MACF1: variants seen among roughly 807,000 people sequenced by gnomAD.
MACF1 encodes microtubule actin crosslinking factor 1, also known as microtubule-actin cross-linking factor 1.
In MACF1, 193 loss-of-function variants were observed where a neutral mutation model predicts 854.8. The observed-to-expected ratio is 0.23, with a 90% CI of 0.20 to 0.25. The LOEUF (loss-of-function observed/expected upper bound fraction) is 0.25, where lower values mean the gene tolerates loss of function less well. Ranked by LOEUF, MACF1 falls within the 10% of genes least tolerant of loss-of-function variation. The pLI is 1.00. For missense variants in MACF1, 7,722 were observed against 8,929.1 expected, an observed-to-expected ratio of 0.86 and a Z score of 5.45; for synonymous variants, 3,185 against 3,226.7, an observed-to-expected ratio of 0.99 and a Z score of 0.44.
chr1:39,384,250 A>T (rs1310290107), intron 56 of MACF1, among the ~76,000 whole-genome samples: 1 of 152,004 alleles, frequency 6.6e-6, no homozygotes, highest in East Asian at 1.9e-4. Flanking sequence ...ATGCTTTCAC[A>T]GTTCTGTGTT....
chr1:39,182,937 A>G (rs919072596), intron 2 of MACF1, among the ~76,000 whole-genome samples: 5 of 152,238 alleles, frequency 3.3e-5, no homozygotes, highest in Non-Finnish European at 5.9e-5. Flanking sequence ...TAGTAGCCCC[A>G]AAGCAGAAAC....
At chr1:39,296,050 T>C (rs1427312285) in intron 20 of MACF1, among the ~76,000 whole-genome samples, 168 bp downstream of exon 20, 1 of 152,204 alleles carries the variant, frequency 6.6e-6, no homozygotes, top group Non-Finnish European at 1.5e-5. Flanking sequence ...GGTGAGCAGT[T>C]TGGGCAGGGC....
chr1:39,355,460 C>CTTTTTTTTTTTTTTTTTTT (rs56202498), intron 44 of MACF1, among the ~76,000 whole-genome samples: 8 of 81,056 alleles, frequency 9.9e-5, no homozygotes, highest in East Asian at 3.7e-4. Flanking sequence ...TTTTCTTCTG[C>CTTTTTTTTTTTTTTTTTTT]TTTTTTTTTT....
Position 39,337,635 on chromosome 1 carries a change from C to T in MACF1, c.10215+304C>T, listed in dbSNP as rs530426667. 6.6e-4 allele frequency among the ~76,000 whole-genome samples: 90 copies of T among 135,626 alleles called. 1 individual carries two copies. The highest frequency in any genetic ancestry group is 1.8e-3 in the Admixed American group (21 of 11,538). 89.0% of individuals were successfully genotyped at this position (135,626 alleles called of 152,430 possible). ...GGGTGGAGTGCAGTAGCGGTGATCT[C>T]GGCTCACTGCAACCTCCGCCTCCCG... On this transcript the variant is annotated intron_variant, in intron 38 of 100. Transcript: ENST00000564288.
chr1:39,250,843 G>A (rs1356048143), intron 3 of MACF1, among the ~76,000 whole-genome samples: 1 of 152,160 alleles, frequency 6.6e-6, no homozygotes, highest in Non-Finnish European at 1.5e-5. Flanking sequence ...TCACCCACTT[G>A]TAGGCCTACT....
chr1:39,269,448 C>G, intron 6 of MACF1: 1 of 1,289,800 alleles, frequency 7.8e-7, no homozygotes, highest in Non-Finnish European at 1.0e-6. Flanking sequence ...ACTACTGGAC[C>G]AGCCTGGAGG....
At chr1:39,295,273 G>A (rs1645876260) in intron 19 of MACF1, 123 bp downstream of exon 19, 1 of 769,672 alleles carries the variant, frequency 1.3e-6, no homozygotes, top group Non-Finnish European at 2.1e-6. Flanking sequence ...TTTGTCTTGG[G>A]TCTTCTCTCT....
intron 2 of MACF1, among the ~76,000 whole-genome samples, chr1:39,239,254 G>A (rs1361840471): frequency 6.6e-6 from 1 of 151,632 alleles, no homozygotes; most frequent in Non-Finnish European, 1.5e-5. Context: ...GCACTCCAGC[G>A]TGGGTGACAG....
At chr1:39,353,915 C>T (rs1018011985) in intron 44 of MACF1, among the ~76,000 whole-genome samples, 3 of 152,196 alleles carry the variant, frequency 2.0e-5, no homozygotes, top group African/African-American at 7.2e-5. Context: ...TCTGCTTTCA[C>T]TGTTATTATT....
At chr1:39,475,388 G>C (rs1179906116) in intron 97 of MACF1, among the ~76,000 whole-genome samples, 1 of 151,100 alleles carries the variant, frequency 6.6e-6, no homozygotes, top group Non-Finnish European at 1.5e-5. Flanking sequence ...GGGATCACTT[G>C]AGCCTGGGAG....
rs1241428755 is a variant in MACF1 at position 39,430,023 on chromosome 1, G to A, written c.17085G>A (p.Gln5695=). 1 of 1,613,948 alleles carries A rather than the reference G, an allele frequency of 6.2e-7. No individual in the cohort carries two copies. Residue 5695 remains glutamine (Q), a synonymous_variant, in exon 65 of 101, where the codon CAG becomes CAA. Transcript: ENST00000564288. ...AGGAGCTGGCAACCAGTGGAGGACA[G>A]TCTCCCACAGGGGAACAGATACCCC... ...VEEELATSGG[Q]SPTGEQIPQF...
At position 39,319,766 on chromosome 1, in the gene MACF1, A is replaced by C. The variant is rs778802782; in HGVS notation, c.4029+19A>C. On this transcript the variant is annotated intron_variant, in intron 31 of 100. Transcript: ENST00000564288. ...TGTAAAGGTAACTTTACCACATCCC[A>C]AAAAGAACATGAATCATCACCAGCT... is the stretch of plus-strand genomic sequence containing the variant. 6.4e-6 allele frequency: 10 copies of C among 1,553,080 alleles called. No individual in the cohort carries two copies. The highest frequency in any genetic ancestry group is 3.4e-5 in the Admixed American group (2 of 58,798).
chr1:39,388,182 A>G lies in MACF1; in HGVS notation c.15340A>G (p.Met5114Val). Residue 5114 changes from methionine to valine, a missense_variant, in exon 58 of 101, where the codon ATG (methionine) becomes GTG (valine). Physicochemically the swap from Met to Val is conservative, Grantham distance 21. This residue lies in a region of MACF1 where 2,807 missense variants were observed against 3,235.8 expected (regional missense o/e 0.87). Coordinates refer to ENST00000564288, the MANE Select transcript of MACF1 (RefSeq NM_001394062.1). ...AAGAGTGAACAGTGGTTGTGTGATGATGGAAAACAAGCTGGAGGGGATTGG... is the reference window on the plus strand; with the variant it reads ...AAGAGTGAACAGTGGTTGTGTGATGGTGGAAAACAAGCTGGAGGGGATTGG... The part of the protein sequence containing the change: ...KQRVNSGCVM[M>V]ENKLEGIGQF... 1 of 1,614,170 alleles carries G rather than the reference A, an allele frequency of 6.2e-7. No individual in the cohort carries two copies.
At chr1:39,180,028 T>A (rs773565573) in intron 2 of MACF1, among the ~76,000 whole-genome samples, 23 of 151,852 alleles carry the variant, frequency 1.5e-4, no homozygotes, top group East Asian at 1.4e-3. Flanking sequence ...AATGAAATTT[T>A]AAAAAAATGA....
intron 2 of MACF1, among the ~76,000 whole-genome samples, chr1:39,194,341 C>T (rs796692362): frequency 1.0e-4 from 7 of 70,056 alleles, no homozygotes; most frequent in Non-Finnish European, 8.9e-5. Context: ...CTTTTCTTTT[C>T]TTTTCTTTTC....
At chr1:39,411,305 C>G (rs965296502) in intron 58 of MACF1, 2 of 1,614,028 alleles carry the variant, frequency 1.2e-6, no homozygotes, top group Non-Finnish European at 1.7e-6. Flanking sequence ...AGGGAAAAGA[C>G]TTTTCTGATG....
chr1:39,141,571 C>T (rs935024051), intron 2 of MACF1, among the ~76,000 whole-genome samples: 13 of 152,122 alleles, frequency 8.5e-5, no homozygotes, highest in African/African-American at 2.4e-4. Context: ...AGGATTCTGA[C>T]GGAGATTGAA....
At chr1:39,315,167 T>G (rs988247254) in intron 26 of MACF1, among the ~76,000 whole-genome samples, 15 of 152,250 alleles carry the variant, frequency 9.9e-5, no homozygotes, top group African/African-American at 3.6e-4. Flanking sequence ...CTCATTAGTT[T>G]CTGGTTATCC....
At chr1:39,373,906 G>A (rs1649488254) in intron 52 of MACF1, among the ~76,000 whole-genome samples, 1 of 151,448 alleles carries the variant, frequency 6.6e-6, no homozygotes, top group East Asian at 1.9e-4. Flanking sequence ...GTGCCCAGAT[G>A]TGTATATAAT....
Sources: gnomAD v4.1 joint callset for allele counts (sites outside exome capture counted in the v4.1 genomes callset) on GRCh38, gnomAD v4.1.1 for gene constraint, gnomAD v4.1.1 regional missense constraint, MANE v1.5 for transcripts, NCBI Gene and HGNC (gene_info 2026-07-23, HGNC 2026-07-21) for gene names.